The following TRPV3 variants were observed in gnomAD, a reference collection of about 807,000 sequenced individuals.
TRPV3 encodes transient receptor potential cation channel subfamily V member 3.
TRPV3 carries 88 observed loss-of-function variants against 87.1 expected under a neutral mutation model. That is an observed-to-expected ratio of 1.01 (90% CI 0.85 to 1.21). The LOEUF (loss-of-function observed/expected upper bound fraction) is 1.21, where lower values mean the gene tolerates loss of function less well. TRPV3 is among the 50% of genes most tolerant of loss of function. The pLI, the probability that TRPV3 is intolerant of heterozygous loss-of-function variation, is 0.00. For synonymous variants in TRPV3, 438 were observed against 423.3 expected (o/e 1.03, Z -0.43); for missense variants, 1,054 against 1,030.1 (o/e 1.02, Z -0.32).
At chr17:3,536,229 G>C (rs1237304057) in intron 6 of TRPV3, among the ~76,000 whole-genome samples, 2 of 152,206 alleles carry the variant, frequency 1.3e-5, no homozygotes, top group Admixed American at 6.5e-5. Flanking sequence ...GGCAGGACGA[G>C]AATGTAGGGC....
chr17:3,526,925 G>A lies in TRPV3; in HGVS notation c.1506C>T (p.Gly502=). The stretch of plus-strand genomic sequence containing the variant: ...AGGGTCTCAGCAGGAAGATGGCAAT[G>A]CCCTAAGGCCAGGAAGGAAAGAAAC... ...IWAMCISVKE[G]IAIFLLRPSD... The change falls in exon 12 of 18, where the codon GGC becomes GGT. Residue 502 remains glycine, a splice_region_variant and synonymous_variant. Transcript: ENST00000576742. 6.2e-7 allele frequency: 1 copy of A among 1,610,560 alleles called. No homozygotes were observed. The highest frequency in any genetic ancestry group is 8.5e-7 in the Non-Finnish European group (1 of 1,178,502).
intron 6 of TRPV3, among the ~76,000 whole-genome samples, chr17:3,537,079 T>C (rs79126773): frequency 6.6e-6 from 1 of 152,198 alleles, no homozygotes; most frequent in Non-Finnish European, 1.5e-5. Context: ...GGCTGACATA[T>C]TTGCTTACAT....
Position 3,528,835 on chromosome 17 carries a change from A to C in TRPV3, c.1401+2T>G. The C allele has an allele frequency of 6.2e-7, 1 of 1,613,594 alleles. No individual in the cohort carries two copies. The highest frequency in any genetic ancestry group is 8.5e-7 in the Non-Finnish European group (1 of 1,179,880). ...TTTTCCCCCTCCAAGGGGCCCACGTACCTCCTCCTCCCGGGGGCGGTAGTA... is the reference window on the plus strand; with the variant it reads ...TTTTCCCCCTCCAAGGGGCCCACGTCCCTCCTCCTCCCGGGGGCGGTAGTA... On this transcript the variant is annotated splice_donor_variant, in intron 10 of 17. Coordinates refer to ENST00000576742, the MANE Select transcript of TRPV3 (RefSeq NM_145068.4). LOFTEE classifies it high-confidence loss of function. The surrounding 1 kb of genome is among the most constrained non-coding windows in gnomAD (Gnocchi z 4.2).
At position 3,535,622 on chromosome 17, in the gene TRPV3, G is replaced by A. The variant is rs760968650; in HGVS notation, c.735C>T (p.Ala245=). 2 of 1,609,846 alleles carry A rather than the reference G, an allele frequency of 1.2e-6. No individual in the cohort carries two copies. The highest frequency in any genetic ancestry group is 3.4e-5 in the Admixed American group (2 of 59,570). ...ACTTGGGGTTGAAGAAGGCCCCCTT[G>A]GCGTGCGCGTTGACGTCGGCGCCGG... The part of the protein sequence containing the change: ...IAAGADVNAH[A]KGAFFNPKYQ... Residue 245 remains alanine, a synonymous_variant, in exon 7 of 18, where the codon GCC becomes GCT. Transcript: ENST00000576742.
intron 1 of TRPV3, among the ~76,000 whole-genome samples, chr17:3,555,461 G>A (rs141436634): frequency 9.9e-5 from 15 of 152,234 alleles, no homozygotes; most frequent in Non-Finnish European, 2.2e-4. Flanking sequence ...CCAACACACC[G>A]ATCATCTCCC....
chr17:3,551,867 A>G (rs1180003989), intron 2 of TRPV3, among the ~76,000 whole-genome samples: 1 of 24,002 alleles, frequency 4.2e-5, no homozygotes. Context: ...CCTGTAATTT[A>G]TTCTTTTTTT....
chr17:3,524,314 C>T lies in TRPV3; in HGVS notation c.1627G>A (p.Ala543Thr). The T allele has an allele frequency of 6.2e-7, 1 of 1,614,238 alleles. No individual in the cohort carries two copies. Among genetic ancestry groups the T allele is most frequent in the Non-Finnish European group, 8.5e-7 (1 of 1,180,048 alleles). ...VILSVFLYLF[A>T]YKEYLACLVL... ...AGGCAGGCGAGGTACTCTTTGTAGG[C>T]AAACAAGTACAAGAAGACAGACAGT... Residue 543 changes from alanine (A) to threonine (T), a missense_variant, in exon 13 of 18, where the codon GCC becomes ACC. Ala to Thr is a moderately conservative substitution (Grantham distance 58). Coordinates refer to ENST00000576742, the MANE Select transcript of TRPV3 (RefSeq NM_145068.4).
rs754033360 is a variant in TRPV3, at chr17:3,514,020, T to TA, written c.2279-10dup. On this transcript the variant is annotated splice_polypyrimidine_tract_variant and intron_variant, in intron 17 of 17. Transcript: ENST00000576742. Reference sequence around the variant, plus strand: ...TTGGATTTTGTTGAAATCTGCTTTTTAAAAAAATATATATTTTAGAAATAT... The same window carrying TA: ...TTGGATTTTGTTGAAATCTGCTTTTTAAAAAAAATATATATTTTAGAAATAT... The TA allele has an allele frequency of 1.2e-5, 19 of 1,594,232 alleles. No homozygotes were observed. The Admixed American group carries it at 2.4e-4, about 20-fold the overall frequency.
At chr17:3,526,427 G>A (rs563357424) in intron 12 of TRPV3, among the ~76,000 whole-genome samples, 93 of 152,084 alleles carry the variant, frequency 6.1e-4, no homozygotes, top group Non-Finnish European at 1.1e-3. Context: ...GCAGTGAGCC[G>A]AGGTCACGCC....
In TRPV3 at chr17:3,511,495, G is replaced by A. The variant is rs1439326832; in HGVS notation, c.*2422C>T. 6.6e-6 allele frequency: 1 copy of A among 152,224 alleles called. No individual in the cohort carries two copies. The highest frequency in any genetic ancestry group is 1.5e-5 in the Non-Finnish European group (1 of 68,050). The allele number at this position is 152,224 out of a possible 1,614,324, so 9.4% of individuals were successfully genotyped here. On this transcript the variant is annotated 3_prime_UTR_variant, in exon 18 of 18. Transcript: ENST00000576742. ...CATTAGCCTCTGGGCGTAAAATGAAGGAAGTGCTCCTTTTCACTCTGATGC... is the reference window on the plus strand; with the variant it reads ...CATTAGCCTCTGGGCGTAAAATGAAAGAAGTGCTCCTTTTCACTCTGATGC...
At chr17:3,517,965 C>T (rs151026738) in intron 15 of TRPV3, among the ~76,000 whole-genome samples, 6 of 152,028 alleles carry the variant, frequency 3.9e-5, no homozygotes, top group East Asian at 2.0e-4. Context: ...ATTACAGGTG[C>T]GTACTAACAC....
chr17:3,533,545 C>A (rs2074370958), intron 7 of TRPV3, among the ~76,000 whole-genome samples: 1 of 148,636 alleles, frequency 6.7e-6, no homozygotes, highest in Admixed American at 6.8e-5. Flanking sequence ...TGTCGCCAGG[C>A]TGGAGTGCAG....
intron 3 of TRPV3, 56 bp from the exon 4 acceptor site, chr17:3,544,721 G>T (rs2074506948): frequency 1.5e-6 from 2 of 1,307,452 alleles, no homozygotes; most frequent in Admixed American, 3.8e-5. Flanking sequence ...AATGGGCCGG[G>T]TGAGGTGGCT....
rs776732608 is a variant in TRPV3, at chr17:3,542,700, T to C, written c.467-2A>G. On this transcript the variant is annotated splice_acceptor_variant, in intron 5 of 17. Transcript: ENST00000576742. LOFTEE classifies it high-confidence loss of function. ...CCGTCAGCTTGTGCATGAGGAAGTC[T>C]GCAGGCAGGGCCATGGGTGGAGTTA... The C allele has an allele frequency of 2.5e-6, 4 of 1,613,170 alleles. No homozygotes were observed. The highest frequency in any genetic ancestry group is 3.4e-6 in the Non-Finnish European group (4 of 1,179,490).
In TRPV3 at chr17:3,556,408, G is replaced by A. The variant is rs542802868; in HGVS notation, c.-3+1268C>T. Among the ~76,000 whole-genome samples, 18 of 152,030 alleles carry A rather than the reference G, an allele frequency of 1.2e-4. 1 individual carries two copies. The highest frequency in any genetic ancestry group is 3.4e-3 in the Middle Eastern group (1 of 294). On this transcript the variant is annotated intron_variant, in intron 1 of 17. Coordinates refer to ENST00000576742, the MANE Select transcript of TRPV3 (RefSeq NM_145068.4). The surrounding 1 kb of genome is among the most constrained non-coding windows in gnomAD (Gnocchi z 4.2). Reference sequence around the variant, plus strand: ...CTGGCCACAGAGGGATGACATGGGCGGGGAAAGGGCTGTGTGGACAGGTGG... The same window carrying A: ...CTGGCCACAGAGGGATGACATGGGCAGGGAAAGGGCTGTGTGGACAGGTGG...
intron 4 of TRPV3, among the ~76,000 whole-genome samples, chr17:3,544,022 TA>T (rs201578800): frequency 2.8e-4 from 43 of 151,290 alleles, no homozygotes; most frequent in African/African-American, 5.3e-4. Flanking sequence ...TTCTTTTTTT[TA>T]TTTGAGACAG....
At chr17:3,544,870 C>T (rs1337621530) in intron 3 of TRPV3, among the ~76,000 whole-genome samples, 2 of 152,080 alleles carry the variant, frequency 1.3e-5, no homozygotes, top group Non-Finnish European at 2.9e-5. Context: ...AACAACTAGC[C>T]AGGCGTGGTG....
intron 11 of TRPV3, 61 bp from the exon 12 acceptor site, chr17:3,526,988 G>T: frequency 7.4e-7 from 1 of 1,359,800 alleles, no homozygotes; most frequent in Non-Finnish European, 1.0e-6. Context: ...GGGGAGCTGA[G>T]CAGAGGGTGC....
At position 3,535,642 on chromosome 17, in the gene TRPV3, C is replaced by G; in HGVS notation, c.715G>C (p.Ala239Pro). The G allele has an allele frequency of 1.9e-6, 3 of 1,608,214 alleles. No homozygotes were observed. Among genetic ancestry groups the G allele is most frequent in the Non-Finnish European group, 2.5e-6 (3 of 1,178,254 alleles). Residue 239 changes from alanine (A) to proline (P), a missense_variant, in exon 7 of 18, where the codon GCC (alanine) becomes CCC (proline). Physicochemically the swap from Ala to Pro is conservative, Grantham distance 27. Transcript: ENST00000576742. ...CCCTTGGCGTGCGCGTTGACGTCGG[C>G]GCCGGCGGCGATGAGCAGGGCTGCG... ...DIAALLIAAG[A>P]DVNAHAKGAF...
Sources: allele counts gnomAD v4.1 joint callset (sites outside exome capture counted in the v4.1 genomes callset), GRCh38; gene constraint gnomAD v4.1.1; non-coding constraint Gnocchi (gnomAD v3.1); transcripts MANE v1.5; gene names NCBI Gene and HGNC (gene_info 2026-07-23, HGNC 2026-07-21).